The following GRID2 variants were observed in gnomAD, a reference collection of about 807,000 sequenced individuals.
GRID2 encodes glutamate receptor ionotropic, delta-2.
In GRID2, 33 loss-of-function variants were observed where a neutral mutation model predicts 114.8. The ratio of observed to expected loss-of-function variants is 0.29; its 90% confidence interval spans 0.22 to 0.38. GRID2 has a LOEUF of 0.38. Ranked by LOEUF, GRID2 falls within the 10% of genes least tolerant of loss-of-function variation. The probability of loss-of-function intolerance (pLI) is 1.00; values close to 1 mark genes in which losing one functional copy is unlikely to be tolerated. For synonymous variants in GRID2, 505 were observed against 449.9 expected, an observed-to-expected ratio of 1.12 and a Z score of -1.55; for missense variants, 1,184 against 1,257.7, an observed-to-expected ratio of 0.94 and a Z score of 0.89.
At chr4:93,157,968 G>A (rs775773049) in intron 4 of GRID2, among the ~76,000 whole-genome samples, 26 of 151,928 alleles carry the variant, frequency 1.7e-4, no homozygotes, top group Middle Eastern at 3.4e-3. Context: ...AAATAACAGA[G>A]CGTTAAGCCA....
At chr4:93,652,067 T>G (rs6849725) in intron 14 of GRID2, among the ~76,000 whole-genome samples, 69,258 of 152,010 alleles carry the variant, frequency 0.46, 17,251 homozygotes, top group African/African-American at 0.66. Context: ...ATGGGCTAAA[T>G]TTTGAAGTCC....
chr4:93,010,331 A>G (rs558138170), intron 2 of GRID2, among the ~76,000 whole-genome samples: 3 of 152,188 alleles, frequency 2.0e-5, no homozygotes, highest in South Asian at 4.1e-4. Context: ...ACACATATAT[A>G]TGCATATGTG....
At chr4:93,162,449 G>C (rs1737777727) in intron 4 of GRID2, among the ~76,000 whole-genome samples, 1 of 151,840 alleles carries the variant, frequency 6.6e-6, no homozygotes, top group African/African-American at 2.4e-5. Context: ...GGATAGGCCT[G>C]TGTTAGCGAG....
chr4:92,333,240 G>C (rs1726987230), intron 1 of GRID2, among the ~76,000 whole-genome samples: 1 of 152,226 alleles, frequency 6.6e-6, no homozygotes, highest in Admixed American at 6.5e-5. Context: ...GACACAAGCT[G>C]CAGCTGAGCC....
intron 2 of GRID2, among the ~76,000 whole-genome samples, chr4:92,770,315 T>C (rs946228735): frequency 1.3e-5 from 2 of 152,196 alleles, no homozygotes; most frequent in African/African-American, 4.8e-5. Context: ...TCAGCATTTT[T>C]GTCAAAGCCA....
intron 2 of GRID2, among the ~76,000 whole-genome samples, chr4:92,776,311 T>C (rs2149355472): frequency 6.6e-6 from 1 of 152,256 alleles, no homozygotes; most frequent in East Asian, 1.9e-4. Context: ...TTGGGTCCCA[T>C]AGATATATAG....
intron 3 of GRID2, among the ~76,000 whole-genome samples, chr4:93,105,957 G>A (rs2149345602): frequency 1.3e-5 from 2 of 152,170 alleles, no homozygotes; most frequent in East Asian, 3.9e-4. Context: ...ATTAACATGT[G>A]AGCATTTTGG....
At chr4:93,668,227 T>C (rs1724109969) in intron 14 of GRID2, among the ~76,000 whole-genome samples, 1 of 152,018 alleles carries the variant, frequency 6.6e-6, no homozygotes, top group African/African-American at 2.4e-5. Context: ...CAGAGTATTT[T>C]AATCCCAAAT....
chr4:92,313,327 A>G (rs777636753), intron 1 of GRID2, among the ~76,000 whole-genome samples: 75 of 151,960 alleles, frequency 4.9e-4, no homozygotes, highest in Non-Finnish European at 9.3e-4. Flanking sequence ...GGGACTTGCG[A>G]AGAAGGGTTG....
rs79638262 is a variant in GRID2, at chr4:93,545,914, A to G, written c.2193+30503A>G. On this transcript the variant is annotated intron_variant, in intron 13 of 15. Coordinates refer to ENST00000282020, the MANE Select transcript of GRID2 (RefSeq NM_001510.4). ...GATTAGCAACACAAGGACTTTAATAAAGCAGCGATTTGAAAGAGAATATAA... is the reference window on the plus strand; with the variant it reads ...GATTAGCAACACAAGGACTTTAATAGAGCAGCGATTTGAAAGAGAATATAA... Among the ~76,000 whole-genome samples, 865 of 152,330 alleles carry G rather than the reference A, an allele frequency of 5.7e-3. 8 individuals are homozygous for G. Among genetic ancestry groups the G allele is most frequent in the African/African-American group, 0.02 (828 of 41,576 alleles).
At chr4:92,655,299 C>T (rs370807434) in intron 2 of GRID2, among the ~76,000 whole-genome samples, 2 of 151,828 alleles carry the variant, frequency 1.3e-5, no homozygotes, top group Middle Eastern at 3.2e-3. Flanking sequence ...TCTTATATTT[C>T]GCAGTTAGGT....
At chr4:93,261,560 G>T (rs1750255245) in intron 8 of GRID2, among the ~76,000 whole-genome samples, 1 of 151,826 alleles carries the variant, frequency 6.6e-6, no homozygotes, top group Admixed American at 6.6e-5. Context: ...TGTATATACA[G>T]AATAGAGAGA....
At chr4:93,595,409 G>T (rs995839562) in intron 13 of GRID2, among the ~76,000 whole-genome samples, 2 of 152,130 alleles carry the variant, frequency 1.3e-5, no homozygotes, top group Non-Finnish European at 2.9e-5. Context: ...ACCCAGCCCT[G>T]TATTTACTTG....
intron 14 of GRID2, among the ~76,000 whole-genome samples, chr4:93,660,093 G>A (rs1021189895): frequency 8.6e-5 from 13 of 151,814 alleles, no homozygotes; most frequent in African/African-American, 2.2e-4. Flanking sequence ...AATAATTACA[G>A]TTGAATTTAA....
intron 1 of GRID2, among the ~76,000 whole-genome samples, chr4:92,543,620 A>G (rs2149165213): frequency 6.6e-6 from 1 of 152,276 alleles, no homozygotes; most frequent in South Asian, 2.1e-4. Flanking sequence ...TTTTTTCTAA[A>G]ACCAACACCA....
chr4:92,695,394 G>A (rs1279584709), intron 2 of GRID2, among the ~76,000 whole-genome samples: 1 of 151,474 alleles, frequency 6.6e-6, no homozygotes, highest in Non-Finnish European at 1.5e-5. Flanking sequence ...ACAACAAAAG[G>A]AATACAATGA....
intron 2 of GRID2, among the ~76,000 whole-genome samples, chr4:92,777,833 G>A (rs542486463): frequency 1.8e-4 from 27 of 151,780 alleles, no homozygotes; most frequent in Admixed American, 3.9e-4. Context: ...CCAACACCTT[G>A]ACTTTGGACT....
intron 8 of GRID2, among the ~76,000 whole-genome samples, chr4:93,357,432 T>G (rs1450938661): frequency 6.6e-6 from 1 of 151,572 alleles, no homozygotes; most frequent in Non-Finnish European, 1.5e-5. Context: ...TATTCCCAAT[T>G]TTTTCATTTT....
intron 8 of GRID2, among the ~76,000 whole-genome samples, chr4:93,378,974 G>A (rs1763616076): frequency 6.6e-6 from 1 of 152,014 alleles, no homozygotes; most frequent in Non-Finnish European, 1.5e-5. Context: ...ATTGATTAAT[G>A]ATTTTATCTT....
Sources: allele counts gnomAD v4.1 joint callset (sites outside exome capture counted in the v4.1 genomes callset), GRCh38; gene constraint gnomAD v4.1.1; transcripts MANE v1.5; gene names NCBI Gene and HGNC (gene_info 2026-07-23, HGNC 2026-07-21).